GBF1: variants seen among roughly 807,000 people sequenced by gnomAD.
GBF1 encodes the protein golgi brefeldin A resistant guanine nucleotide exchange factor 1, also known as Golgi-specific brefeldin A-resistance guanine nucleotide exchange factor 1.
GBF1 carries 114 observed loss-of-function variants against 210.5 expected under a neutral mutation model. The observed-to-expected ratio is 0.54, with a 90% CI of 0.47 to 0.63. The LOEUF (loss-of-function observed/expected upper bound fraction) is 0.63. Ranked by LOEUF, GBF1 falls within the 30% of genes least tolerant of loss-of-function variation. GBF1 has a pLI of 0.00. For synonymous variants in GBF1, 850 were observed against 889.2 expected (o/e 0.96, Z 0.78); for missense variants, 1,851 against 2,357.7 (o/e 0.79, Z 4.45).
At chr10:102,377,643 A>G (rs1014422933) in intron 33 of GBF1, among the ~76,000 whole-genome samples, 2 of 152,086 alleles carry the variant, frequency 1.3e-5, no homozygotes, top group African/African-American at 4.8e-5. Flanking sequence ...ATGAGCCACC[A>G]CACCTGGCCT....
chr10:102,373,154 A>T (rs894525809), intron 29 of GBF1, among the ~76,000 whole-genome samples: 2 of 152,258 alleles, frequency 1.3e-5, no homozygotes, highest in African/African-American at 4.8e-5. Context: ...CTCAAAACAC[A>T]ACAGTGATAA....
intron 3 of GBF1, among the ~76,000 whole-genome samples, chr10:102,289,512 C>T (rs1185970464): frequency 6.6e-6 from 1 of 152,142 alleles, no homozygotes; most frequent in Non-Finnish European, 1.5e-5. Context: ...ATCATTTGAG[C>T]CCAGGTGTTT....
In GBF1 at chr10:102,366,583, TC is replaced by T. The variant is rs2059923245; in HGVS notation, c.2433+78del. On this transcript the variant is annotated intron_variant, in intron 19 of 39. Coordinates refer to ENST00000369983, the MANE Select transcript of GBF1 (RefSeq NM_001377137.1). This position sits in a 1 kb window ranked among gnomAD's most constrained non-coding sequence, Gnocchi z 4.0. ...AGGGCTGAAGAATCCAGCTGCTGTC[TC>T]TTTTTTTTTTTTTTTTTTTTGAGAC... 127 of 896,070 alleles carry T rather than the reference TC, an allele frequency of 1.4e-4. No individual in the cohort carries two copies. The highest frequency in any genetic ancestry group is 1.9e-4 in the Non-Finnish European group (115 of 617,894). 55.5% of individuals were successfully genotyped at this position (896,070 alleles called of 1,614,324 possible).
intron 3 of GBF1, among the ~76,000 whole-genome samples, chr10:102,325,411 G>A (rs899433599): frequency 1.1e-4 from 17 of 151,938 alleles, no homozygotes; most frequent in African/African-American, 3.4e-4. Context: ...TTAGCTAGGC[G>A]TGATGGTGGG....
intron 29 of GBF1, among the ~76,000 whole-genome samples, chr10:102,371,912 T>G (rs1259404694): frequency 7.7e-6 from 1 of 129,650 alleles, no homozygotes; most frequent in Non-Finnish European, 1.6e-5. Context: ...GGTGACAGAG[T>G]GAGATTCTGT....
Position 102,363,244 on chromosome 10 carries a change from C to T in GBF1, c.1877-12C>T, listed in dbSNP as rs775555910. ...CCTATAAGTCTTCACGTATCTTCTTCTCTCTTACCAGCTGAGAGAACTGCC... is the reference window on the plus strand; with the variant it reads ...CCTATAAGTCTTCACGTATCTTCTTTTCTCTTACCAGCTGAGAGAACTGCC... On this transcript the variant is annotated splice_polypyrimidine_tract_variant and intron_variant, in intron 15 of 39. Coordinates refer to ENST00000369983, the MANE Select transcript of GBF1 (RefSeq NM_001377137.1). This position sits in a 1 kb window ranked among gnomAD's most constrained non-coding sequence, Gnocchi z 4.2. 1 of 1,607,788 alleles carries T rather than the reference C, an allele frequency of 6.2e-7. No homozygotes were observed. The highest frequency in any genetic ancestry group is 8.5e-7 in the Non-Finnish European group (1 of 1,177,010).
chr10:102,375,222 G>A, intron 29 of GBF1, 137 bp from the exon 30 acceptor site: 1 of 589,428 alleles, frequency 1.7e-6, no homozygotes, highest in South Asian at 2.0e-5. Flanking sequence ...AAAAAGACCA[G>A]AGCAGTATCC....
chr10:102,337,655 G>C (rs919704537), intron 3 of GBF1, among the ~76,000 whole-genome samples: 5 of 152,000 alleles, frequency 3.3e-5, no homozygotes, highest in Non-Finnish European at 7.4e-5. Context: ...AGTGCAGTTT[G>C]AGACCAGCCT....
At position 102,321,170 on chromosome 10, in the gene GBF1, T is replaced by C. The variant is rs559373778; in HGVS notation, c.164-22881T>C. Among the ~76,000 whole-genome samples, 10 of 152,342 alleles carry C rather than the reference T, an allele frequency of 6.6e-5. No homozygotes were observed. The South Asian group carries it at 2.1e-3, about 32-fold the overall frequency. Reference sequence around the variant, plus strand: ...TTACAATTAGTGTTAAAATCATAACTTATAATTAGTCACAATTATAATTAG... The same window carrying C: ...TTACAATTAGTGTTAAAATCATAACCTATAATTAGTCACAATTATAATTAG... On this transcript the variant is annotated intron_variant, in intron 3 of 39. Coordinates refer to ENST00000369983, the MANE Select transcript of GBF1 (RefSeq NM_001377137.1).
chr10:102,308,201 T>TTAA (rs543813987), intron 3 of GBF1, among the ~76,000 whole-genome samples: 1 of 123,448 alleles, frequency 8.1e-6, no homozygotes, highest in Admixed American at 8.4e-5. Context: ...TCACAGAAGC[T>TTAA]AAAAAAAAAA....
intron 1 of GBF1, among the ~76,000 whole-genome samples, chr10:102,258,569 C>A (rs538563678): frequency 1.3e-5 from 2 of 149,976 alleles, no homozygotes; most frequent in African/African-American, 4.9e-5. Context: ...GTCTGGAGCT[C>A]GAGACCAGCC....
At chr10:102,334,413 C>T (rs977883152) in intron 3 of GBF1, among the ~76,000 whole-genome samples, 2 of 152,176 alleles carry the variant, frequency 1.3e-5, no homozygotes, top group African/African-American at 2.4e-5. Flanking sequence ...AGAACACAGC[C>T]TCCTGGGAGG....
Position 102,368,361 on chromosome 10 carries a change from C to G in GBF1, c.2786C>G (p.Thr929Ser), listed in dbSNP as rs375152700. The change falls in exon 22 of 40, where the codon ACC becomes AGC. Residue 929 changes from threonine (T) to serine (S), a missense_variant. Around this residue, in one of 3 missense-constraint regions of GBF1, gnomAD observed 967 missense variants for 1,247.7 expected, o/e 0.78. Transcript: ENST00000369983. Reference sequence around the variant, plus strand: ...GCCAGCTATGATCTTGACCTCTTCACCATGACCTGGGGCCCCACTATTGCT... The same window carrying G: ...GCCAGCTATGATCTTGACCTCTTCAGCATGACCTGGGGCCCCACTATTGCT... Reference protein sequence around the residue: ...PTASYDLDLFTMTWGPTIAAL... With the variant: ...PTASYDLDLFSMTWGPTIAAL... 1 of 1,613,856 alleles carries G rather than the reference C, an allele frequency of 6.2e-7. No individual in the cohort carries two copies. The highest frequency in any genetic ancestry group is 8.5e-7 in the Non-Finnish European group (1 of 1,179,718).
the GBF1 span, among the ~76,000 whole-genome samples, chr10:102,238,647 T>C: frequency 6.6e-6 from 1 of 152,242 alleles, no homozygotes; most frequent in Non-Finnish European, 1.5e-5. Context: ...ATTTATATGA[T>C]GCTCCTCCAT....
chr10:102,379,935 C>T lies in GBF1; in HGVS notation c.4859C>T (p.Ala1620Val). The T allele has an allele frequency of 6.2e-7, 1 of 1,608,330 alleles. No homozygotes were observed. The highest frequency in any genetic ancestry group is 8.5e-7 in the Non-Finnish European group (1 of 1,175,058). ...GGGATGGAGGAGACCCGGATGAGGG[C>T]TTCCACATTGCTCTCTAAGGTACTG... ...VGGMEETRMR[A>V]STLLSKVFLQ... is the part of the protein sequence containing the mutation. The change falls in exon 36 of 40, where the codon GCT becomes GTT. Residue 1620 changes from alanine to valine, a missense_variant. Physicochemically the swap from Ala to Val is moderately conservative, Grantham distance 64 (BLOSUM62 0). This residue lies in a region of GBF1 where 967 missense variants were observed against 1,247.7 expected (regional missense o/e 0.78). Transcript: ENST00000369983.
rs2060916726 is a variant in GBF1 at position 102,382,504 on chromosome 10, C to CCAAT, written c.*171_*174dup. The CCAAT allele has an allele frequency of 2.0e-5, 12 of 592,868 alleles. No homozygotes were observed. The East Asian group carries it at 3.6e-4, about 18-fold the overall frequency. 36.7% of individuals were successfully genotyped at this position (592,868 alleles called of 1,614,324 possible). Reference sequence around the variant, plus strand: ...ATGTTGATAGCCCCAGCTAAGACCCCCAATCAGCTGTGGGACCTTTTTCCT... The same window carrying CCAAT: ...ATGTTGATAGCCCCAGCTAAGACCCCCAATCAATCAGCTGTGGGACCTTTTTCCT... On this transcript the variant is annotated 3_prime_UTR_variant, in exon 40 of 40. Transcript: ENST00000369983.
chr10:102,356,363 C>T (rs1416705521), intron 8 of GBF1, among the ~76,000 whole-genome samples: 1 of 152,112 alleles, frequency 6.6e-6, no homozygotes, highest in African/African-American at 2.4e-5. Flanking sequence ...TGCCATTGCC[C>T]AATCCAGGAA....
chr10:102,280,122 TA>T (rs199748528), intron 3 of GBF1, among the ~76,000 whole-genome samples: 2 of 142,074 alleles, frequency 1.4e-5, no homozygotes, highest in Non-Finnish European at 3.1e-5. Flanking sequence ...GTCCCTGTCT[TA>T]AAAAAAAAGA....
upstream of GBF1, among the ~76,000 whole-genome samples, chr10:102,242,566 GC>G (rs2070564467): frequency 1.3e-5 from 2 of 152,134 alleles, no homozygotes; most frequent in Non-Finnish European, 2.9e-5. Context: ...TCTGACTTAG[GC>G]CTCAATTTCC....
Sources: allele counts gnomAD v4.1 joint callset (sites outside exome capture counted in the v4.1 genomes callset), GRCh38; gene constraint gnomAD v4.1.1; regional missense constraint gnomAD v4.1.1; non-coding constraint Gnocchi (gnomAD v3.1); transcripts MANE v1.5; gene names NCBI Gene and HGNC (gene_info 2026-07-23, HGNC 2026-07-21).